SPMIP7: variants seen among roughly 807,000 people sequenced by gnomAD.
The protein encoded by SPMIP7 is sperm microtubule inner protein 7.
At chr7:50,099,354 C>T in the SPMIP7 span, among the ~76,000 whole-genome samples, 2 of 152,132 alleles carry the variant, frequency 1.3e-5, no homozygotes, top group East Asian at 1.9e-4. Flanking sequence ...TGAGCATTTT[C>T]GTGACGGTTT....
At chr7:50,154,961 T>A in the SPMIP7 span, among the ~76,000 whole-genome samples, 1 of 152,242 alleles carries the variant, frequency 6.6e-6, no homozygotes, top group Admixed American at 6.5e-5. Flanking sequence ...CATTCTTTCA[T>A]ACACCAGATC....
chr7:50,150,952 C>A, the SPMIP7 span, among the ~76,000 whole-genome samples: 1 of 152,052 alleles, frequency 6.6e-6, no homozygotes, highest in African/African-American at 2.4e-5. Flanking sequence ...TTCCAATGGG[C>A]AATTTTAGGA....
At chr7:50,103,282 T>C in the SPMIP7 span, among the ~76,000 whole-genome samples, 5 of 152,112 alleles carry the variant, frequency 3.3e-5, no homozygotes, top group African/African-American at 1.2e-4. Context: ...AGCTATGAAG[T>C]AGGGGACCAA....
the SPMIP7 span, among the ~76,000 whole-genome samples, chr7:50,120,910 G>T: frequency 1.3e-5 from 2 of 152,030 alleles, no homozygotes; most frequent in Non-Finnish European, 2.9e-5. Context: ...TGTCTTTATT[G>T]CCTGAATTTT....
At chr7:50,121,768 C>A in the SPMIP7 span, among the ~76,000 whole-genome samples, 1 of 152,122 alleles carries the variant, frequency 6.6e-6, no homozygotes, top group African/African-American at 2.4e-5. Flanking sequence ...ATTCTCCTGC[C>A]TCAGCCTCCT....
At chr7:50,145,282 C>T in the SPMIP7 span, among the ~76,000 whole-genome samples, 333 of 151,356 alleles carry the variant, frequency 2.2e-3, 1 homozygote, top group African/African-American at 7.8e-3. Flanking sequence ...AAAAAGAATC[C>T]TGTTTTTCAA....
At chr7:50,128,740 A>G in the SPMIP7 span, among the ~76,000 whole-genome samples, 1 of 152,050 alleles carries the variant, frequency 6.6e-6, no homozygotes, top group Admixed American at 6.6e-5. Flanking sequence ...TCTGATAGTA[A>G]TTCTAAAAGA....
chr7:50,098,252 T>C, the SPMIP7 span, among the ~76,000 whole-genome samples: 1 of 152,154 alleles, frequency 6.6e-6, no homozygotes, highest in Non-Finnish European at 1.5e-5. Context: ...GACCTTTTAC[T>C]GAGTTTAGTA....
chr7:50,097,653 A>C, the SPMIP7 span, among the ~76,000 whole-genome samples: 1 of 148,500 alleles, frequency 6.7e-6, no homozygotes, highest in Admixed American at 6.9e-5. Flanking sequence ...GTAAAACTTC[A>C]TAAGATAATA....
the SPMIP7 span, among the ~76,000 whole-genome samples, chr7:50,132,468 A>C: frequency 6.6e-6 from 1 of 152,194 alleles, no homozygotes. Flanking sequence ...ATGACAAAGT[A>C]TCAAATCATA....
At chr7:50,140,231 G>T in the SPMIP7 span, 4 of 1,186,526 alleles carry the variant, frequency 3.4e-6, no homozygotes, top group East Asian at 2.8e-5. Flanking sequence ...TTATATTTTG[G>T]TTGTAGTTGC....
the SPMIP7 span, among the ~76,000 whole-genome samples, chr7:50,113,920 G>T: frequency 6.6e-6 from 1 of 152,020 alleles, no homozygotes; most frequent in Non-Finnish European, 1.5e-5. Flanking sequence ...CTTAAAAACA[G>T]CTAGAGAAAA....
chr7:50,106,462 A>G, the SPMIP7 span, among the ~76,000 whole-genome samples: 2 of 152,220 alleles, frequency 1.3e-5, no homozygotes, highest in Non-Finnish European at 2.9e-5. Flanking sequence ...CAAGTAAATA[A>G]GAAAACTTCA....
chr7:50,098,364 T>C, the SPMIP7 span, among the ~76,000 whole-genome samples: 1 of 152,322 alleles, frequency 6.6e-6, no homozygotes, highest in African/African-American at 2.4e-5. Flanking sequence ...CTGCCTCTCA[T>C]TGCAGTAGAT....
chr7:50,134,627 C>T, the SPMIP7 span, among the ~76,000 whole-genome samples: 1 of 152,176 alleles, frequency 6.6e-6, no homozygotes, highest in East Asian at 1.9e-4. Flanking sequence ...TGGTTCTTCA[C>T]ACAGGATCTA....
At chr7:50,134,316 A>C in the SPMIP7 span, 5 of 1,326,842 alleles carry the variant, frequency 3.8e-6, no homozygotes, top group South Asian at 7.8e-5. Flanking sequence ...ACTTTAAGTC[A>C]AAATAATACT....
chr7:50,136,952 T>G, the SPMIP7 span, among the ~76,000 whole-genome samples: 1 of 152,330 alleles, frequency 6.6e-6, no homozygotes, highest in South Asian at 2.1e-4. Context: ...AAATATTACT[T>G]ACACAATGGA....
the SPMIP7 span, among the ~76,000 whole-genome samples, chr7:50,128,939 G>A: frequency 6.6e-6 from 1 of 151,894 alleles, no homozygotes; most frequent in Non-Finnish European, 1.5e-5. Context: ...CTAAATATAA[G>A]CAGAGGGGAG....
chr7:50,118,936 G>A, the SPMIP7 span, among the ~76,000 whole-genome samples: 45 of 152,210 alleles, frequency 3.0e-4, no homozygotes, highest in African/African-American at 9.6e-4. Context: ...ATAGAACCTC[G>A]TGTATCTTCC....
Sources: gnomAD v4.1 joint callset for allele counts (sites outside exome capture counted in the v4.1 genomes callset) on GRCh38, gnomAD v4.1.1 for gene constraint, MANE v1.5 for transcripts, NCBI Gene and HGNC (gene_info 2026-07-23, HGNC 2026-07-21) for gene names.